Variants in SP3 observed in about 807,000 individuals in gnomAD.
The protein encoded by SP3 is Sp3 transcription factor, also known as transcription factor Sp3.
In SP3, 10 loss-of-function variants were observed where a neutral mutation model predicts 70.3. The ratio of observed to expected loss-of-function variants is 0.14; its 90% CI spans 0.09 to 0.24. The LOEUF (loss-of-function observed/expected upper bound fraction) is 0.24. Ranked by LOEUF, SP3 falls within the 10% of genes least tolerant of loss-of-function variation. The pLI is 1.00. For missense variants in SP3, 825 were observed against 914.6 expected (o/e 0.90, Z 1.26); for synonymous variants, 402 against 333.5 (o/e 1.21, Z -2.24).
intron 4 of SP3, among the ~76,000 whole-genome samples, chr2:173,932,623 A>G (rs1574409235): frequency 6.6e-6 from 1 of 152,212 alleles, no homozygotes; most frequent in Non-Finnish European, 1.5e-5. Flanking sequence ...CTATGGGTGC[A>G]TGGTCTGTTG....
intron 4 of SP3, among the ~76,000 whole-genome samples, chr2:173,937,371 G>A (rs1690238568): frequency 6.6e-6 from 1 of 152,116 alleles, no homozygotes. Flanking sequence ...AGATAATGCA[G>A]GGAAATAGCC....
At chr2:173,941,938 T>G (rs1406738244) in intron 4 of SP3, among the ~76,000 whole-genome samples, 1 of 152,248 alleles carries the variant, frequency 6.6e-6, no homozygotes, top group East Asian at 1.9e-4. Flanking sequence ...TCTATTTCCA[T>G]TGTTTCTGCT....
intron 5 of SP3, among the ~76,000 whole-genome samples, chr2:173,917,320 TTA>T (rs1458824762): frequency 9.9e-5 from 15 of 151,510 alleles, no homozygotes; most frequent in African/African-American, 3.1e-4. Flanking sequence ...AAACAAAACT[TTA>T]AACTAATTAC....
intron 5 of SP3, chr2:173,914,334 G>T (rs776000880): frequency 1.3e-4 from 19 of 151,654 alleles, no homozygotes; most frequent in Non-Finnish European, 2.2e-4. Context: ...CAATCTCACA[G>T]TTTAGGCATA....
At chr2:173,922,743 T>A (rs1053842077) in intron 4 of SP3, among the ~76,000 whole-genome samples, 9 of 152,110 alleles carry the variant, frequency 5.9e-5, no homozygotes, top group African/African-American at 2.2e-4. Flanking sequence ...TAAGAAATGA[T>A]CCTTGGATAT....
chr2:173,931,979 T>C (rs1690080026), intron 4 of SP3, among the ~76,000 whole-genome samples: 1 of 152,228 alleles, frequency 6.6e-6, no homozygotes. Context: ...TTCACTGGAC[T>C]AGGACTTTTA....
rs1412014085 is a variant in SP3, at chr2:173,905,676, G to A, written c.*4265C>T. Among the ~76,000 whole-genome samples the A allele has an allele frequency of 6.6e-6, 1 of 150,836 alleles. No homozygotes were observed. Among genetic ancestry groups the A allele is most frequent in the Non-Finnish European group, 1.5e-5 (1 of 67,804 alleles). ...ATAACATCAAATAAAAGCCAACATGGGAAAAAAAAAAACCTTGTATACCCT... is the reference window on the plus strand; with the variant it reads ...ATAACATCAAATAAAAGCCAACATGAGAAAAAAAAAAACCTTGTATACCCT... On this transcript the variant is annotated 3_prime_UTR_variant, in exon 7 of 7. Coordinates refer to ENST00000310015, the MANE Select transcript of SP3 (RefSeq NM_003111.5).
intron 4 of SP3, among the ~76,000 whole-genome samples, chr2:173,924,894 A>AT (rs1689867477): frequency 6.6e-6 from 1 of 152,108 alleles, no homozygotes; most frequent in South Asian, 2.1e-4. Context: ...TACATAGACT[A>AT]TTTTTTCTTT....
chr2:173,927,320 G>C (rs1483665031), intron 4 of SP3, among the ~76,000 whole-genome samples: 1 of 151,530 alleles, frequency 6.6e-6, no homozygotes, highest in Non-Finnish European at 1.5e-5. Context: ...CTGTCGCCCA[G>C]GGTGGGGTAC....
intron 3 of SP3, among the ~76,000 whole-genome samples, chr2:173,961,584 A>C (rs1052749749): frequency 6.6e-6 from 1 of 152,190 alleles, no homozygotes; most frequent in Non-Finnish European, 1.5e-5. Context: ...CATTATCCTA[A>C]CATTAGGGGA....
chr2:173,944,760 T>C (rs1334383127), intron 4 of SP3, among the ~76,000 whole-genome samples: 1 of 152,146 alleles, frequency 6.6e-6, no homozygotes, highest in Non-Finnish European at 1.5e-5. Context: ...ATTTGGTTAT[T>C]AAACTAAATA....
At chr2:173,945,492 G>A (rs1574417319) in intron 4 of SP3, among the ~76,000 whole-genome samples, 1 of 152,124 alleles carries the variant, frequency 6.6e-6, no homozygotes. Context: ...TAATATCCCA[G>A]ACATATAAAG....
At chr2:173,915,135 C>G (rs1689589599) in intron 5 of SP3, 1 of 152,100 alleles carries the variant, frequency 6.6e-6, no homozygotes, top group Admixed American at 6.6e-5. Flanking sequence ...AGCAACAGAT[C>G]TGGGTTCTCA....
chr2:173,920,789 C>T (rs1192717095), intron 4 of SP3, among the ~76,000 whole-genome samples: 1 of 151,972 alleles, frequency 6.6e-6, no homozygotes, highest in African/African-American at 2.4e-5. Context: ...CAGGGTTTCA[C>T]CATGTTGGCC....
At chr2:173,919,623 A>C (rs114859770) in intron 4 of SP3, among the ~76,000 whole-genome samples, 1 of 152,186 alleles carries the variant, frequency 6.6e-6, no homozygotes, top group African/African-American at 2.4e-5. Context: ...ACATTGTTAA[A>C]TATCAGGGAA....
chr2:173,955,616 G>A lies in SP3; in HGVS notation c.896C>T (p.Thr299Ile). Reference protein sequence around the residue: ...GINADGHLINTGQAMDSSDNS... With the variant: ...GINADGHLINIGQAMDSSDNS... ...GTCTGAACTATCCATAGCTTGTCCT[G>A]TGTTTATCAAATGTCCGTCGGCATT... Residue 299 changes from threonine (T) to isoleucine (I), a missense_variant, in exon 4 of 7, where the codon ACA (threonine) becomes ATA (isoleucine). Thr to Ile is a moderately conservative substitution (Grantham distance 89). Coordinates refer to ENST00000310015, the MANE Select transcript of SP3 (RefSeq NM_003111.5). 1 of 1,614,158 alleles carries A rather than the reference G, an allele frequency of 6.2e-7. No homozygotes were observed. The highest frequency in any genetic ancestry group is 8.5e-7 in the Non-Finnish European group (1 of 1,180,030).
At chr2:173,952,944 A>G (rs997934886) in intron 4 of SP3, among the ~76,000 whole-genome samples, 1 of 152,222 alleles carries the variant, frequency 6.6e-6, no homozygotes, top group Non-Finnish European at 1.5e-5. Flanking sequence ...TTTTGAGGTA[A>G]TAAAAATGCT....
intron 4 of SP3, among the ~76,000 whole-genome samples, chr2:173,950,125 C>T (rs1690668949): frequency 6.6e-6 from 1 of 152,044 alleles, no homozygotes; most frequent in African/African-American, 2.4e-5. Context: ...AGGGTTTCAG[C>T]TTGGCGCCTG....
chr2:173,946,369 C>A (rs976548555), intron 4 of SP3, among the ~76,000 whole-genome samples: 1 of 151,514 alleles, frequency 6.6e-6, no homozygotes, highest in Non-Finnish European at 1.5e-5. Context: ...GTCTTAAACT[C>A]CTGGCCTCAA....
Sources: allele counts gnomAD v4.1 joint callset (sites outside exome capture counted in the v4.1 genomes callset), GRCh38; gene constraint gnomAD v4.1.1; transcripts MANE v1.5; gene names NCBI Gene and HGNC (gene_info 2026-07-23, HGNC 2026-07-21).